Variants in ST7 observed in about 807,000 individuals in gnomAD.
ST7 encodes the protein suppressor of tumorigenicity 7 protein.
In ST7, 28 loss-of-function variants were observed where a neutral mutation model predicts 78.7. The ratio of observed to expected loss-of-function variants is 0.36; its 90% confidence interval spans 0.26 to 0.49. ST7 has a LOEUF of 0.49. Ranked by LOEUF, ST7 falls within the 20% of genes least tolerant of loss-of-function variation. The pLI is 0.99. For synonymous variants in ST7, 247 were observed against 249.6 expected, an observed-to-expected ratio of 0.99 and a Z score of 0.10; for missense variants, 418 against 696.0, an observed-to-expected ratio of 0.60 and a Z score of 4.49.
chr7:117,031,407 C>T (rs1415404333), intron 1 of ST7, among the ~76,000 whole-genome samples: 11,808 of 13,616 alleles, frequency 0.87, 5,391 homozygotes, highest in East Asian at 0.99. Flanking sequence ...TGCATATATA[C>T]GCATATATGT....
intron 1 of ST7, among the ~76,000 whole-genome samples, chr7:116,978,731 A>G (rs1257776965): frequency 6.6e-6 from 1 of 152,084 alleles, no homozygotes; most frequent in Non-Finnish European, 1.5e-5. Context: ...GACTACAGGC[A>G]TGCACCACCA....
intron 1 of ST7, among the ~76,000 whole-genome samples, chr7:116,966,782 C>A (rs73472894): frequency 0.026 from 4,007 of 152,250 alleles, 176 homozygotes; most frequent in African/African-American, 0.089. Flanking sequence ...TGTGAAATGA[C>A]ATTATTTTCA....
At chr7:117,006,421 T>G (rs1795160416) in intron 1 of ST7, among the ~76,000 whole-genome samples, 1 of 152,242 alleles carries the variant, frequency 6.6e-6, no homozygotes, top group South Asian at 2.1e-4. Context: ...AGTTCAATTG[T>G]TGACTCAACA....
At chr7:117,137,147 T>C (rs1804856273) in intron 8 of ST7, 1 of 152,156 alleles carries the variant, frequency 6.6e-6, no homozygotes, top group African/African-American at 2.4e-5. Context: ...TTTGAGATTA[T>C]AAAATTAAAT....
intron 1 of ST7, among the ~76,000 whole-genome samples, chr7:117,061,026 T>C (rs1372598551): frequency 6.6e-6 from 1 of 152,056 alleles, no homozygotes; most frequent in African/African-American, 2.4e-5. Flanking sequence ...AAATATAATA[T>C]TGCCTTTCCC....
intron 1 of ST7, among the ~76,000 whole-genome samples, chr7:116,965,057 C>T (rs576845477): frequency 2.0e-5 from 3 of 152,072 alleles, no homozygotes; most frequent in African/African-American, 4.8e-5. Flanking sequence ...ATTCCATGGA[C>T]GGCCGGGCGC....
intron 1 of ST7, among the ~76,000 whole-genome samples, chr7:117,078,622 G>A (rs1298022558): frequency 6.6e-6 from 1 of 152,182 alleles, no homozygotes; most frequent in African/African-American, 2.4e-5. Flanking sequence ...CAGCCACATG[G>A]TAGCAAGATA....
intron 1 of ST7, chr7:116,955,252 G>T: frequency 2.6e-6 from 1 of 380,600 alleles, no homozygotes. Context: ...TGGTAACAGT[G>T]TTAGTCTGTT....
intron 1 of ST7, chr7:117,098,915 AC>A: frequency 1.8e-6 from 2 of 1,095,938 alleles, no homozygotes; most frequent in Non-Finnish European, 2.5e-6. Context: ...TTGTAAGTGA[AC>A]CCTAATCAGT....
At chr7:117,081,319 A>G (rs1387513351) in intron 1 of ST7, among the ~76,000 whole-genome samples, 1 of 152,148 alleles carries the variant, frequency 6.6e-6, no homozygotes, top group African/African-American at 2.4e-5. Flanking sequence ...GGCCAGGATA[A>G]TAATATATGC....
chr7:117,218,584 T>G (rs571775509), intron 13 of ST7, among the ~76,000 whole-genome samples: 11 of 152,354 alleles, frequency 7.2e-5, no homozygotes, highest in African/African-American at 2.6e-4. Context: ...GATTTTTGTT[T>G]TTATTCATCT....
At chr7:117,039,638 A>G (rs77546333) in intron 1 of ST7, among the ~76,000 whole-genome samples, 2,658 of 152,280 alleles carry the variant, frequency 0.017, 87 homozygotes, top group African/African-American at 0.06. Context: ...GGAAGAATGC[A>G]CTAATATCAT....
intron 1 of ST7, among the ~76,000 whole-genome samples, chr7:117,029,970 A>G (rs1169473780): frequency 6.6e-6 from 1 of 152,094 alleles, no homozygotes; most frequent in African/African-American, 2.4e-5. Context: ...AAGCCCTCCA[A>G]GTCTGTTCTT....
intron 9 of ST7, among the ~76,000 whole-genome samples, chr7:117,140,498 A>AT (rs1252067381): frequency 2.0e-5 from 3 of 151,994 alleles, no homozygotes; most frequent in African/African-American, 4.8e-5. Context: ...CATGCTTACA[A>AT]TTTTTTTTCC....
At position 117,175,791 on chromosome 7, in the gene ST7, C is replaced by T. The variant is rs543333950; in HGVS notation, c.1078+4815C>T. On this transcript the variant is annotated intron_variant, in intron 10 of 15. Coordinates refer to ENST00000323984, the MANE Select transcript of ST7 (RefSeq NM_001369598.1). Reference sequence around the variant, plus strand: ...ACACAGTAAGAGTTCAGATATTATTCGCTATTATAAAGAGCCAAAAGTGTC... The same window carrying T: ...ACACAGTAAGAGTTCAGATATTATTTGCTATTATAAAGAGCCAAAAGTGTC... Among the ~76,000 whole-genome samples the T allele has an allele frequency of 4.6e-5, 7 of 152,230 alleles. No individual in the cohort carries two copies. The East Asian group carries it at 1.4e-3, about 29-fold the overall frequency.
At chr7:117,132,362 T>C (rs1369439289) in intron 6 of ST7, among the ~76,000 whole-genome samples, 4 of 151,618 alleles carry the variant, frequency 2.6e-5, no homozygotes. Context: ...CAACATAAGG[T>C]TTAAAAAAAA....
intron 1 of ST7, among the ~76,000 whole-genome samples, chr7:116,970,815 A>G (rs1793379487): frequency 6.6e-6 from 1 of 152,136 alleles, no homozygotes; most frequent in Non-Finnish European, 1.5e-5. Flanking sequence ...ACCCACCTCA[A>G]AGGTAGTGTT....
chr7:116,954,751 T>A (rs1017909615), intron 1 of ST7: 2 of 177,544 alleles, frequency 1.1e-5, no homozygotes, highest in Non-Finnish European at 2.4e-5. Context: ...CCTGAAGATA[T>A]ATACATATGT....
intron 1 of ST7, among the ~76,000 whole-genome samples, chr7:117,077,905 T>C (rs894099792): frequency 1.3e-5 from 2 of 151,270 alleles, no homozygotes; most frequent in African/African-American, 4.9e-5. Flanking sequence ...GAATGTGATA[T>C]TGATTGCTAA....
Sources: allele counts gnomAD v4.1 joint callset (sites outside exome capture counted in the v4.1 genomes callset), GRCh38; gene constraint gnomAD v4.1.1; transcripts MANE v1.5; gene names NCBI Gene and HGNC (gene_info 2026-07-23, HGNC 2026-07-21).